RPS6KC1: variants seen among roughly 807,000 people sequenced by gnomAD.
The protein encoded by RPS6KC1 is ribosomal protein S6 kinase C1.
RPS6KC1 carries 54 observed loss-of-function variants against 103.8 expected under a neutral mutation model. The observed-to-expected ratio is 0.52, with a 90% CI of 0.42 to 0.65. The LOEUF is 0.65. Ranked by LOEUF, RPS6KC1 falls within the 30% of genes least tolerant of loss-of-function variation. The probability of loss-of-function intolerance (pLI) is 0.00; values close to 1 mark genes in which losing one functional copy is unlikely to be tolerated. For missense variants in RPS6KC1, 1,151 were observed against 1,253.8 expected (o/e 0.92, Z 1.24); for synonymous variants, 439 against 438.7 (o/e 1.00, Z -0.01).
At chr1:213,383,031 G>A in the RPS6KC1 span, among the ~76,000 whole-genome samples, 1 of 152,236 alleles carries the variant, frequency 6.6e-6, no homozygotes, top group Non-Finnish European at 1.5e-5. Flanking sequence ...CTTTGCCAGT[G>A]CATAAGCGAA....
intron 4 of RPS6KC1, among the ~76,000 whole-genome samples, chr1:213,108,055 G>A (rs1257381863): frequency 6.6e-6 from 1 of 152,106 alleles, no homozygotes; most frequent in Non-Finnish European, 1.5e-5. Flanking sequence ...TCCCCAGTCT[G>A]TAGCCTTTTA....
At chr1:213,644,584 GC>G in the RPS6KC1 span, among the ~76,000 whole-genome samples, 1 of 148,580 alleles carries the variant, frequency 6.7e-6, no homozygotes, top group African/African-American at 2.5e-5. Context: ...TCCATAGTTT[GC>G]CTTTTCCAGA....
chr1:213,151,971 A>G (rs1572868392), intron 6 of RPS6KC1, among the ~76,000 whole-genome samples: 1 of 111,172 alleles, frequency 9.0e-6, no homozygotes, highest in Non-Finnish European at 1.8e-5. Context: ...CTGGCCGGGC[A>G]GAGGGGCTCC....
the RPS6KC1 span, among the ~76,000 whole-genome samples, chr1:213,789,657 A>G: frequency 3.3e-5 from 5 of 152,268 alleles, no homozygotes; most frequent in East Asian, 7.7e-4. Context: ...ATCCCTTAAA[A>G]CGATAAGGTA....
chr1:213,530,753 T>C, the RPS6KC1 span, among the ~76,000 whole-genome samples: 1 of 152,200 alleles, frequency 6.6e-6, no homozygotes, highest in Non-Finnish European at 1.5e-5. Flanking sequence ...TGCTTGCTTG[T>C]GGCTTGCTTG....
intron 6 of RPS6KC1, among the ~76,000 whole-genome samples, chr1:213,141,262 T>C (rs1404297638): frequency 6.6e-6 from 1 of 151,990 alleles, no homozygotes; most frequent in African/African-American, 2.4e-5. Context: ...GGCCTTCTGT[T>C]TGGTAGGTTT....
the RPS6KC1 span, among the ~76,000 whole-genome samples, chr1:213,484,135 C>G: frequency 6.9e-6 from 1 of 144,216 alleles, no homozygotes; most frequent in Non-Finnish European, 1.6e-5. Flanking sequence ...AGAAGGAAGA[C>G]AACCCATGAT....
At chr1:213,576,665 T>C in the RPS6KC1 span, among the ~76,000 whole-genome samples, 1 of 152,182 alleles carries the variant, frequency 6.6e-6, no homozygotes. Flanking sequence ...ACCCTATTCC[T>C]GGAGACAAAA....
the RPS6KC1 span, among the ~76,000 whole-genome samples, chr1:213,700,706 T>C: frequency 6.6e-6 from 1 of 152,058 alleles, no homozygotes; most frequent in South Asian, 2.1e-4. Flanking sequence ...ATCTTTCCAG[T>C]TTTTGGTACC....
At chr1:213,124,473 T>C (rs1256386086) in intron 5 of RPS6KC1, among the ~76,000 whole-genome samples, 1 of 152,188 alleles carries the variant, frequency 6.6e-6, no homozygotes, top group Non-Finnish European at 1.5e-5. Context: ...ACTTTCTTTC[T>C]GGGCTTCAGG....
intron 8 of RPS6KC1, among the ~76,000 whole-genome samples, chr1:213,212,108 T>C (rs1288349034): frequency 6.6e-6 from 1 of 152,176 alleles, no homozygotes; most frequent in African/African-American, 2.4e-5. Context: ...TCATAGTTTA[T>C]ATTAAGATCA....
At chr1:213,485,828 G>A in the RPS6KC1 span, among the ~76,000 whole-genome samples, 1 of 152,144 alleles carries the variant, frequency 6.6e-6, no homozygotes, top group African/African-American at 2.4e-5. Context: ...AAATGAGTAG[G>A]ATTTTGTGAT....
chr1:213,241,927 C>A lies in RPS6KC1; in HGVS notation c.2451C>A (p.Ser817Arg). 6.2e-7 allele frequency: 1 copy of A among 1,614,002 alleles called. No individual in the cohort carries two copies. Among genetic ancestry groups the A allele is most frequent in the Non-Finnish European group, 8.5e-7 (1 of 1,179,956 alleles). ...SAVTANNTEE[S>R]LFRICSPLSG... ...TAACTGCAAACAACACAGAAGAAAG[C>A]TTATTCCGTATTTGTAGTCCACTCT... is the stretch of plus-strand genomic sequence containing the variant. The change falls in exon 11 of 15, where the codon AGC (serine) becomes AGA (arginine). Residue 817 changes from serine to arginine, a missense_variant. This residue lies in a region of RPS6KC1 where 959 missense variants were observed against 1,006.3 expected (regional missense o/e 0.95). Transcript: ENST00000366960.
intron 2 of RPS6KC1, among the ~76,000 whole-genome samples, chr1:213,071,931 T>C (rs1203195490): frequency 6.6e-6 from 1 of 152,156 alleles, no homozygotes; most frequent in Non-Finnish European, 1.5e-5. Flanking sequence ...TGTGGAATTC[T>C]CTATTTGTAT....
chr1:213,351,210 T>C, the RPS6KC1 span, among the ~76,000 whole-genome samples: 2 of 152,230 alleles, frequency 1.3e-5, no homozygotes, highest in African/African-American at 4.8e-5. Flanking sequence ...TTGAACACTT[T>C]TAAAGTTGTA....
chr1:213,198,120 T>C (rs2093023722), intron 8 of RPS6KC1, among the ~76,000 whole-genome samples: 2 of 152,350 alleles, frequency 1.3e-5, no homozygotes, highest in South Asian at 4.1e-4. Flanking sequence ...TTAGAACTTT[T>C]AGCATTTCTT....
At chr1:213,173,179 A>G (rs1056744683) in intron 7 of RPS6KC1, among the ~76,000 whole-genome samples, 1 of 152,222 alleles carries the variant, frequency 6.6e-6, no homozygotes, top group African/African-American at 2.4e-5. Flanking sequence ...GAGTAGATCT[A>G]TAGGATTCTA....
chr1:213,149,264 T>C (rs1373157297), intron 6 of RPS6KC1, among the ~76,000 whole-genome samples: 2 of 152,194 alleles, frequency 1.3e-5, no homozygotes, highest in Non-Finnish European at 2.9e-5. Context: ...AAGTTTTTCC[T>C]CTTTTTTGAT....
At chr1:213,472,245 C>A in the RPS6KC1 span, among the ~76,000 whole-genome samples, 8 of 151,974 alleles carry the variant, frequency 5.3e-5, no homozygotes, top group Non-Finnish European at 1.2e-4. Context: ...AAATTTGTGT[C>A]TAAATTAATA....
Sources: allele counts gnomAD v4.1 joint callset (sites outside exome capture counted in the v4.1 genomes callset), GRCh38; gene constraint gnomAD v4.1.1; regional missense constraint gnomAD v4.1.1; transcripts MANE v1.5; gene names NCBI Gene and HGNC (gene_info 2026-07-23, HGNC 2026-07-21).